Variants in UNC13C observed in about 807,000 individuals in gnomAD.
UNC13C encodes protein unc-13 homolog C.
UNC13C carries 174 observed loss-of-function variants against 245.4 expected under a neutral mutation model. The observed-to-expected ratio is 0.71, with a 90% CI of 0.63 to 0.80. UNC13C has a LOEUF of 0.80. Ranked by LOEUF, UNC13C falls within the 30% of genes least tolerant of loss-of-function variation. UNC13C has a pLI of 0.00. For missense variants in UNC13C, 2,829 were observed against 2,602.9 expected (o/e 1.09, Z -1.89); for synonymous variants, 992 against 895.1 (o/e 1.11, Z -1.93).
chr15:53,966,344 C>G, the UNC13C span, among the ~76,000 whole-genome samples: 1 of 152,160 alleles, frequency 6.6e-6, no homozygotes, highest in African/African-American at 2.4e-5. Flanking sequence ...ACTATCAATG[C>G]TGAGTGTTAG....
At chr15:54,297,515 C>T (rs1284550685) in intron 11 of UNC13C, among the ~76,000 whole-genome samples, 1 of 145,900 alleles carries the variant, frequency 6.9e-6, no homozygotes, top group East Asian at 2.0e-4. Flanking sequence ...AACACACCTG[C>T]CTAATTAAAA....
chr15:54,075,414 GCGGAGCTTGCAGTGAGC>G (rs201119532), intron 2 of UNC13C, among the ~76,000 whole-genome samples: 24,919 of 120,474 alleles, frequency 0.21, 4,494 homozygotes, highest in East Asian at 0.55. Context: ...GAACCTGAAG[GCGGAGCTTGCAGTGAGC>G]CGGAGCTTGC....
Position 54,415,041 on chromosome 15 carries a change from C to A in UNC13C, c.4907C>A (p.Ala1636Asp). ...GCCGAAATTATGTGGACTCTTTTTGCTCTGGATATGAAATATGCATTAGAA... is the reference window on the plus strand; with the variant it reads ...GCCGAAATTATGTGGACTCTTTTTGATCTGGATATGAAATATGCATTAGAA... ...ISAEIMWTLFALDMKYALEEH... is the reference protein window; with the variant it reads ...ISAEIMWTLFDLDMKYALEEH... Residue 1636 changes from alanine to aspartate, a missense_variant, in exon 19 of 33, where the codon GCT becomes GAT. Transcript: ENST00000260323. 6.2e-7 allele frequency: 1 copy of A among 1,611,736 alleles called. No homozygotes were observed. The highest frequency in any genetic ancestry group is 8.5e-7 in the Non-Finnish European group (1 of 1,178,878).
Position 54,148,510 on chromosome 15 carries a change from A to G in UNC13C, c.3071+4826A>G, listed in dbSNP as rs1375826234. On this transcript the variant is annotated intron_variant, in intron 4 of 32. Coordinates refer to ENST00000260323, the MANE Select transcript of UNC13C (RefSeq NM_001080534.3). ...TTTGTCTATAAAGTTGAGATTGCCT[A>G]CTATCCTCACACTCTCTTCCTCTTT... Among the ~76,000 whole-genome samples, 4 of 152,274 alleles carry G rather than the reference A, an allele frequency of 2.6e-5. No individual in the cohort carries two copies. The East Asian group carries it at 7.7e-4, about 29-fold the overall frequency.
At chr15:54,423,694 G>A (rs1460188848) in intron 19 of UNC13C, among the ~76,000 whole-genome samples, 2 of 151,740 alleles carry the variant, frequency 1.3e-5, no homozygotes. Context: ...AAATAAAGTT[G>A]GTATTGGCTG....
intron 4 of UNC13C, among the ~76,000 whole-genome samples, chr15:54,176,653 A>G (rs2033625593): frequency 6.6e-6 from 1 of 152,174 alleles, no homozygotes; most frequent in Non-Finnish European, 1.5e-5. Context: ...TAATTGAGCC[A>G]ATAGACTCAA....
intron 13 of UNC13C, among the ~76,000 whole-genome samples, chr15:54,300,715 C>T (rs2037557287): frequency 6.6e-6 from 1 of 152,120 alleles, no homozygotes; most frequent in Non-Finnish European, 1.5e-5. Context: ...TATGGTTTAA[C>T]AAGTCTTCCA....
At chr15:54,603,450 A>T (rs1899561565) in intron 30 of UNC13C, among the ~76,000 whole-genome samples, 2 of 152,220 alleles carry the variant, frequency 1.3e-5, no homozygotes, top group African/African-American at 2.4e-5. Flanking sequence ...TTGCTGCCAG[A>T]ACTGTTGGTA....
intron 2 of UNC13C, among the ~76,000 whole-genome samples, chr15:54,042,236 C>A (rs1238451914): frequency 6.6e-6 from 1 of 152,058 alleles, no homozygotes; most frequent in African/African-American, 2.4e-5. Context: ...AAATAATTGT[C>A]AGAAAAATCT....
intron 2 of UNC13C, among the ~76,000 whole-genome samples, chr15:54,039,770 G>A (rs1896735579): frequency 6.6e-6 from 1 of 151,902 alleles, no homozygotes; most frequent in African/African-American, 2.4e-5. Flanking sequence ...TTCCTTGACT[G>A]CTTCACTTGG....
At chr15:54,515,966 C>T (rs1324730956) in intron 24 of UNC13C, among the ~76,000 whole-genome samples, 1 of 152,082 alleles carries the variant, frequency 6.6e-6, no homozygotes, top group Admixed American at 6.6e-5. Flanking sequence ...GACCATAACC[C>T]CATCATTTTA....
chr15:53,952,278 A>T, the UNC13C span, among the ~76,000 whole-genome samples: 1 of 152,204 alleles, frequency 6.6e-6, no homozygotes, highest in Non-Finnish European at 1.5e-5. Context: ...GGCTAAAATT[A>T]TAAAGTTACC....
intron 2 of UNC13C, among the ~76,000 whole-genome samples, chr15:54,122,762 C>T (rs1246222824): frequency 1.3e-5 from 2 of 151,956 alleles, no homozygotes; most frequent in Non-Finnish European, 2.9e-5. Context: ...TTTCAGTTAG[C>T]ACAATGGTGT....
At chr15:54,561,706 C>T (rs1478733618) in intron 29 of UNC13C, among the ~76,000 whole-genome samples, 1 of 151,930 alleles carries the variant, frequency 6.6e-6, no homozygotes, top group Non-Finnish European at 1.5e-5. Context: ...AAAGAGGATT[C>T]ATCGATGATT....
At chr15:53,968,849 C>T in the UNC13C span, among the ~76,000 whole-genome samples, 1 of 152,144 alleles carries the variant, frequency 6.6e-6, no homozygotes, top group South Asian at 2.1e-4. Flanking sequence ...TGTATTTCTG[C>T]TCTATTTTGA....
intron 17 of UNC13C, among the ~76,000 whole-genome samples, chr15:54,347,587 G>A (rs1179573469): frequency 6.6e-5 from 10 of 152,128 alleles, no homozygotes; most frequent in Admixed American, 2.6e-4. Flanking sequence ...ACAAACGAAA[G>A]TTCTTGACAT....
At chr15:54,237,771 T>TC in intron 7 of UNC13C, 81 bp downstream of exon 7, 1 of 1,162,514 alleles carries the variant, frequency 8.6e-7, no homozygotes, top group Non-Finnish European at 1.2e-6. Flanking sequence ...CTTGAGCTAC[T>TC]CATCTGTGAT....
At chr15:54,452,458 C>G (rs1176411327) in intron 19 of UNC13C, among the ~76,000 whole-genome samples, 1 of 152,098 alleles carries the variant, frequency 6.6e-6, no homozygotes, top group Non-Finnish European at 1.5e-5. Flanking sequence ...GGGTGGGTAC[C>G]TACAGTGGTG....
At chr15:54,348,734 T>A (rs2140836714) in intron 17 of UNC13C, among the ~76,000 whole-genome samples, 1 of 152,248 alleles carries the variant, frequency 6.6e-6, no homozygotes, top group African/African-American at 2.4e-5. Context: ...TTTCCCTTTC[T>A]TTTGGTTTTG....
Sources: gnomAD v4.1 joint callset for allele counts (sites outside exome capture counted in the v4.1 genomes callset) on GRCh38, gnomAD v4.1.1 for gene constraint, MANE v1.5 for transcripts, NCBI Gene and HGNC (gene_info 2026-07-23, HGNC 2026-07-21) for gene names.